The following MYSM1 variants were observed in gnomAD, a reference collection of about 807,000 sequenced individuals.
The protein encoded by MYSM1 is deubiquitinase MYSM1.
MYSM1 carries 51 observed loss-of-function variants against 116.0 expected under a neutral mutation model. The ratio of observed to expected loss-of-function variants is 0.44; its 90% CI spans 0.35 to 0.56. The LOEUF is 0.56. MYSM1 is among the 20% of genes least tolerant of loss of function. The pLI, the probability that MYSM1 is intolerant of heterozygous loss-of-function variation, is 0.00. For missense variants in MYSM1, 900 were observed against 974.9 expected, an observed-to-expected ratio of 0.92 and a Z score of 1.02; for synonymous variants, 313 against 315.2, an observed-to-expected ratio of 0.99 and a Z score of 0.07.
chr1:58,687,741 C>A (rs1644848189), intron 6 of MYSM1, among the ~76,000 whole-genome samples: 1 of 152,196 alleles, frequency 6.6e-6, no homozygotes, highest in Admixed American at 6.5e-5. Context: ...AGGGCCAGAA[C>A]TGCCTCATCA....
chr1:58,694,422 G>A (rs1644944202), intron 2 of MYSM1, among the ~76,000 whole-genome samples: 1 of 151,836 alleles, frequency 6.6e-6, no homozygotes, highest in Non-Finnish European at 1.5e-5. Context: ...AGAGATCAAG[G>A]TCAGCTTGGC....
chr1:58,683,378 C>T (rs1373017244), intron 7 of MYSM1, among the ~76,000 whole-genome samples: 1 of 152,094 alleles, frequency 6.6e-6, no homozygotes, highest in Non-Finnish European at 1.5e-5. Flanking sequence ...TTAAAACTAC[C>T]TTTCATTTAA....
intron 3 of MYSM1, among the ~76,000 whole-genome samples, chr1:58,691,912 C>T (rs1024623657): frequency 1.3e-5 from 2 of 151,886 alleles, no homozygotes; most frequent in African/African-American, 4.8e-5. Context: ...AGACTTAGTA[C>T]AAAAATGTAA....
At chr1:58,667,609 T>C (rs1644493412) in intron 15 of MYSM1, among the ~76,000 whole-genome samples, 1 of 151,008 alleles carries the variant, frequency 6.6e-6, no homozygotes, top group Non-Finnish European at 1.5e-5. Context: ...TTTTTACTAA[T>C]AAAGGTAATG....
At position 58,680,861 on chromosome 1, in the gene MYSM1, G is replaced by A. The variant is rs548619588; in HGVS notation, c.1259+924C>T. 4.2e-4 allele frequency among the ~76,000 whole-genome samples: 62 copies of A among 148,986 alleles called. No individual in the cohort carries two copies. In the Admixed American group the frequency reaches 4.2e-3, roughly 10 times the overall value. Reference sequence around the variant, plus strand: ...TTTTGAGATGAAGTCTCGCTCTGTCGCCCAGGCTGGAGTGCAGTGGCACGA... The same window carrying A: ...TTTTGAGATGAAGTCTCGCTCTGTCACCCAGGCTGGAGTGCAGTGGCACGA... On this transcript the variant is annotated intron_variant, in intron 8 of 19. Coordinates refer to ENST00000472487, the MANE Select transcript of MYSM1 (RefSeq NM_001085487.3).
At chr1:58,676,483 T>A (rs1472428530) in intron 9 of MYSM1, among the ~76,000 whole-genome samples, 1 of 151,848 alleles carries the variant, frequency 6.6e-6, no homozygotes, top group Non-Finnish European at 1.5e-5. Flanking sequence ...AAAACTAAGG[T>A]ACAATTGTCT....
intron 10 of MYSM1, among the ~76,000 whole-genome samples, chr1:58,674,221 C>T (rs1335618943): frequency 1.3e-5 from 2 of 152,114 alleles, no homozygotes; most frequent in African/African-American, 4.8e-5. Context: ...TTTTCAACCA[C>T]TTGTGGTAGA....
intron 3 of MYSM1, 158 bp downstream of exon 3, chr1:58,692,703 A>T: frequency 1.9e-6 from 1 of 527,414 alleles, no homozygotes; most frequent in South Asian, 3.4e-5. Context: ...GAGGAAGAAA[A>T]TGCTGCTTTT....
chr1:58,664,996 A>G (rs1644446583), intron 17 of MYSM1, among the ~76,000 whole-genome samples: 1 of 152,216 alleles, frequency 6.6e-6, no homozygotes, highest in Admixed American at 6.5e-5. Flanking sequence ...CCTCAGGGGA[A>G]TCAAGTCAGA....
intron 9 of MYSM1, 69 bp from the exon 10 acceptor site, chr1:58,675,649 CA>C: frequency 1.7e-6 from 2 of 1,159,646 alleles, no homozygotes; most frequent in East Asian, 5.0e-5. Context: ...CAGTAAGACA[CA>C]TGTACACTGA....
rs1369755727 is a variant in MYSM1, at chr1:58,681,747, C to T, written c.1259+38G>A. 6.6e-6 allele frequency: 10 copies of T among 1,515,060 alleles called. 1 individual carries two copies. The South Asian group carries it at 8.2e-5, about 12-fold the overall frequency. 93.9% of individuals were successfully genotyped at this position (1,515,060 alleles called of 1,614,324 possible). A position where few individuals can be genotyped will look rare whatever the true frequency, so the allele number is the denominator to read the frequency against. On this transcript the variant is annotated intron_variant, in intron 8 of 19. Transcript: ENST00000472487. ...CTAATTAAAATACTTCAGAATATCACGTTTTAAAACAACATCTATAATGTA... is the reference window on the plus strand; with the variant it reads ...CTAATTAAAATACTTCAGAATATCATGTTTTAAAACAACATCTATAATGTA...
Position 58,668,679 on chromosome 1 carries a change from G to A in MYSM1, c.1720C>T (p.Pro574Ser). The A allele has an allele frequency of 1.2e-6, 2 of 1,603,318 alleles. No homozygotes were observed. Among genetic ancestry groups the A allele is most frequent in the Non-Finnish European group, 1.7e-6 (2 of 1,174,604 alleles). ...TCTGAAGCCACTTTCACCTGAAATG[G>A]CTCCTGAAATATAAAAAACAAAACA... Reference protein sequence around the residue: ...CNFFSEEKQEPFQVKVASEAL... With the variant: ...CNFFSEEKQESFQVKVASEAL... Residue 574 changes from proline to serine, a missense_variant, in exon 14 of 20, where the codon CCA becomes TCA. This residue lies in a region of MYSM1 where 92 missense variants were observed against 155.0 expected (regional missense o/e 0.59). Coordinates refer to ENST00000472487, the MANE Select transcript of MYSM1 (RefSeq NM_001085487.3).
chr1:58,669,288 G>A (rs151021478), intron 12 of MYSM1, among the ~76,000 whole-genome samples: 135 of 151,596 alleles, frequency 8.9e-4, no homozygotes, highest in African/African-American at 3.1e-3. Context: ...CACTCAAAGA[G>A]GACACTATAA....
At chr1:58,684,294 G>A (rs1458256422) in intron 7 of MYSM1, among the ~76,000 whole-genome samples, 3 of 151,922 alleles carry the variant, frequency 2.0e-5, no homozygotes, top group East Asian at 1.9e-4. Context: ...GGCCGGGCAC[G>A]GTGGCTCACG....
At chr1:58,686,965 TAA>T (rs57730856) in intron 6 of MYSM1, among the ~76,000 whole-genome samples, 1 of 142,778 alleles carries the variant, frequency 7.0e-6, no homozygotes. Flanking sequence ...CCTTGTTTCT[TAA>T]AAAAAAAAAA....
At chr1:58,682,579 T>C (rs1251879503) in intron 7 of MYSM1, 34 bp from the exon 8 acceptor site, 1 of 1,508,304 alleles carries the variant, frequency 6.6e-7, no homozygotes, top group Non-Finnish European at 8.8e-7. Context: ...CCCCATAATA[T>C]TAAGATTTAA....
intron 1 of MYSM1, among the ~76,000 whole-genome samples, chr1:58,698,104 T>TATATATATATATATATATATATATA (rs1557530217): frequency 8.8e-5 from 1 of 11,352 alleles, no homozygotes; most frequent in African/African-American, 2.9e-4. Context: ...ATATATATAT[T>TATATATATATATATATATATATATA]TTTTTTTTTT....
Position 58,658,351 on chromosome 1 carries a change from T to C in MYSM1, c.*1646A>G, listed in dbSNP as rs1440022011. On this transcript the variant is annotated 3_prime_UTR_variant, in exon 20 of 20. Transcript: ENST00000472487. ...TACTACCCTTTTTTTTTTAAATGTA[T>C]GTTAATTTGGAAACTGTATTAACTC... The C allele has an allele frequency of 1.3e-5, 2 of 152,138 alleles. No homozygotes were observed. The highest frequency in any genetic ancestry group is 1.3e-4 in the Admixed American group (2 of 15,254). The allele number at this position is 152,138 out of a possible 1,614,324, so 9.4% of individuals were successfully genotyped here.
Position 58,681,716 on chromosome 1 carries a change from A to G in MYSM1, c.1259+69T>C, listed in dbSNP as rs991085170. On this transcript the variant is annotated intron_variant, in intron 8 of 19. Coordinates refer to ENST00000472487, the MANE Select transcript of MYSM1 (RefSeq NM_001085487.3). ...TTACTAGCAAAATTCTAAATTCTGT[A>G]TAGGCCTAATTAAAATACTTCAGAA... is the stretch of plus-strand genomic sequence containing the variant. 5.2e-6 allele frequency: 7 copies of G among 1,341,552 alleles called. No individual in the cohort carries two copies. In the African/African-American group the frequency reaches 8.9e-5, roughly 17 times the overall value. 83.1% of individuals were successfully genotyped at this position (1,341,552 alleles called of 1,614,324 possible). A position where few individuals can be genotyped will look rare whatever the true frequency, so the allele number is the denominator to read the frequency against.
Sources: gnomAD v4.1 joint callset for allele counts (sites outside exome capture counted in the v4.1 genomes callset) on GRCh38, gnomAD v4.1.1 for gene constraint, gnomAD v4.1.1 regional missense constraint, MANE v1.5 for transcripts, NCBI Gene and HGNC (gene_info 2026-07-23, HGNC 2026-07-21) for gene names.